Variants in KIAA1217 observed in about 807,000 individuals in gnomAD.
The protein encoded by KIAA1217 is KIAA1217, also known as sickle tail protein homolog.
KIAA1217 carries 88 observed loss-of-function variants against 163.9 expected under a neutral mutation model. That is an observed-to-expected ratio of 0.54 (90% confidence interval 0.45 to 0.64). The LOEUF is 0.64. Ranked by LOEUF, KIAA1217 falls within the 30% of genes least tolerant of loss-of-function variation. KIAA1217 has a pLI of 0.00. For synonymous variants in KIAA1217, 903 were observed against 923.1 expected, an observed-to-expected ratio of 0.98 and a Z score of 0.39; for missense variants, 2,372 against 2,475.0, an observed-to-expected ratio of 0.96 and a Z score of 0.88.
chr10:24,257,870 C>T (rs1230788601), intron 2 of KIAA1217, among the ~76,000 whole-genome samples: 1 of 152,146 alleles, frequency 6.6e-6, no homozygotes, highest in East Asian at 1.9e-4. Context: ...TCCCCTAGGC[C>T]CCAGTGTTTT....
At chr10:24,423,316 A>C (rs2058904874) in intron 3 of KIAA1217, among the ~76,000 whole-genome samples, 1 of 139,232 alleles carries the variant, frequency 7.2e-6, no homozygotes, top group African/African-American at 2.7e-5. Context: ...TCAGAGACTC[A>C]GTTTGTCGCC....
At chr10:24,411,403 A>G (rs1005474251) in intron 3 of KIAA1217, among the ~76,000 whole-genome samples, 2 of 152,194 alleles carry the variant, frequency 1.3e-5, no homozygotes, top group Non-Finnish European at 2.9e-5. Context: ...AAAATAATTA[A>G]TGGATCTTTA....
intron 1 of KIAA1217, among the ~76,000 whole-genome samples, chr10:23,737,561 A>G (rs961060858): frequency 1.4e-4 from 21 of 152,194 alleles, no homozygotes; most frequent in African/African-American, 4.8e-4. Context: ...CCCTCTCCTC[A>G]TTGCCCCCAA....
chr10:24,111,343 GAAT>G (rs1191961967), intron 2 of KIAA1217, among the ~76,000 whole-genome samples: 3 of 152,056 alleles, frequency 2.0e-5, no homozygotes, highest in Non-Finnish European at 4.4e-5. Context: ...CATGATAAAA[GAAT>G]TCTGATGGAA....
chr10:24,318,925 G>A (rs1192861797), intron 2 of KIAA1217, among the ~76,000 whole-genome samples: 1 of 152,180 alleles, frequency 6.6e-6, no homozygotes, highest in Non-Finnish European at 1.5e-5. Context: ...CTGTGAGTTC[G>A]CTGTGGCATC....
chr10:24,315,764 G>A (rs201768560), intron 2 of KIAA1217, among the ~76,000 whole-genome samples: 8 of 149,954 alleles, frequency 5.3e-5, no homozygotes, highest in Non-Finnish European at 5.9e-5. Flanking sequence ...AACAAAACAA[G>A]AAAAAAAAAA....
chr10:23,976,147 C>T (rs1845531953), intron 1 of KIAA1217, among the ~76,000 whole-genome samples: 1 of 152,172 alleles, frequency 6.6e-6, no homozygotes, highest in African/African-American at 2.4e-5. Flanking sequence ...CTAAATAGAA[C>T]CCCGCAGATC....
chr10:23,894,073 C>G (rs1236277243), intron 1 of KIAA1217, among the ~76,000 whole-genome samples: 1 of 151,824 alleles, frequency 6.6e-6, no homozygotes, highest in Non-Finnish European at 1.5e-5. Flanking sequence ...CCTTTGAAAA[C>G]TGGCACAAGA....
chr10:24,434,463 G>A (rs554874975), intron 4 of KIAA1217, among the ~76,000 whole-genome samples: 5 of 152,140 alleles, frequency 3.3e-5, no homozygotes, highest in East Asian at 1.9e-4. Context: ...TCTGCCTTCC[G>A]AGTAGCTGGC....
chr10:23,927,402 C>T (rs1274527382), intron 1 of KIAA1217, among the ~76,000 whole-genome samples: 5 of 149,610 alleles, frequency 3.3e-5, no homozygotes, highest in African/African-American at 1.2e-4. Context: ...TCTTGCATTA[C>T]CACTGATCAT....
chr10:24,282,903 G>GGCTC (rs941779945), intron 2 of KIAA1217, among the ~76,000 whole-genome samples: 14 of 142,316 alleles, frequency 9.8e-5, no homozygotes, highest in Admixed American at 5.3e-4. Flanking sequence ...GCGCAATCTC[G>GGCTC]GCTCACTGCA....
intron 5 of KIAA1217, among the ~76,000 whole-genome samples, chr10:24,441,252 C>G (rs1356286111): frequency 6.6e-6 from 1 of 152,154 alleles, no homozygotes; most frequent in Non-Finnish European, 1.5e-5. Flanking sequence ...CACTCCCCAG[C>G]CTCCAGAGAC....
At chr10:24,120,765 C>A (rs1020922817) in intron 2 of KIAA1217, among the ~76,000 whole-genome samples, 1 of 152,326 alleles carries the variant, frequency 6.6e-6, no homozygotes, top group South Asian at 2.1e-4. Flanking sequence ...GTCATCTCTG[C>A]AACCCTGGGG....
chr10:23,868,917 G>A (rs1235416260), intron 1 of KIAA1217, among the ~76,000 whole-genome samples: 2 of 152,062 alleles, frequency 1.3e-5, no homozygotes, highest in African/African-American at 4.8e-5. Flanking sequence ...CTGTTCTGAT[G>A]TCAATTTTCT....
At chr10:23,745,540 G>T (rs1313494948) in intron 1 of KIAA1217, among the ~76,000 whole-genome samples, 1 of 152,210 alleles carries the variant, frequency 6.6e-6, no homozygotes, top group African/African-American at 2.4e-5. Context: ...CGTGTGTCCT[G>T]CTGAGAAGCT....
chr10:24,159,564 G>C (rs974519527), intron 2 of KIAA1217, among the ~76,000 whole-genome samples: 3 of 152,034 alleles, frequency 2.0e-5, no homozygotes, highest in African/African-American at 7.2e-5. Context: ...CGGATCACGA[G>C]GTCAGGAGAT....
chr10:24,319,221 T>C (rs566917736), intron 2 of KIAA1217, among the ~76,000 whole-genome samples: 3 of 151,792 alleles, frequency 2.0e-5, no homozygotes, highest in East Asian at 3.9e-4. Flanking sequence ...CTACTAAAAA[T>C]ACAAAAATTA....
intron 2 of KIAA1217, among the ~76,000 whole-genome samples, chr10:24,063,407 C>T (rs990106708): frequency 1.3e-5 from 2 of 152,098 alleles, no homozygotes; most frequent in Non-Finnish European, 2.9e-5. Context: ...ATCCTTTCCC[C>T]ATTTCTTCTT....
At chr10:24,158,235 G>T in intron 2 of KIAA1217, 1 of 728,662 alleles carries the variant, frequency 1.4e-6, no homozygotes, top group Non-Finnish European at 2.6e-6. Flanking sequence ...GGCAAAGTAC[G>T]TTTAGTCCAG....
Sources: gnomAD v4.1 joint callset for allele counts (sites outside exome capture counted in the v4.1 genomes callset) on GRCh38, gnomAD v4.1.1 for gene constraint, MANE v1.5 for transcripts, NCBI Gene and HGNC (gene_info 2026-07-23, HGNC 2026-07-21) for gene names.